WDR47: variants seen among roughly 807,000 people sequenced by gnomAD.
The protein encoded by WDR47 is WD repeat domain 47, also known as WD repeat-containing protein 47.
A neutral mutation model predicts 97.2 loss-of-function variants in WDR47; 32 were observed. The observed-to-expected ratio is 0.33, with a 90% CI of 0.25 to 0.44. The LOEUF is 0.44. Among genes scored for constraint, WDR47 ranks in the 20% least tolerant of loss-of-function variants. WDR47 has a pLI of 1.00. For missense variants in WDR47, 782 were observed against 1,102.3 expected, an observed-to-expected ratio of 0.71 and a Z score of 4.11; for synonymous variants, 375 against 373.5, an observed-to-expected ratio of 1.00 and a Z score of -0.05.
chr1:108,984,522 A>G (rs1168989931), intron 10 of WDR47, among the ~76,000 whole-genome samples: 1 of 152,202 alleles, frequency 6.6e-6, no homozygotes, highest in African/African-American at 2.4e-5. Context: ...AAATGTTCAT[A>G]ATTAAGAAAT....
intron 5 of WDR47, among the ~76,000 whole-genome samples, chr1:109,008,110 GA>G (rs66883954): frequency 0.13 from 18,260 of 143,534 alleles, 1,221 homozygotes; most frequent in Middle Eastern, 0.16. Flanking sequence ...TCAAAAAAAA[GA>G]AAAAAAAAAA....
intron 8 of WDR47, chr1:108,992,387 A>G (rs1160161645): frequency 4.5e-6 from 7 of 1,561,300 alleles, no homozygotes; most frequent in African/African-American, 1.4e-5. Flanking sequence ...TGCTCAGGCC[A>G]TCAAGGGTAT....
chr1:109,037,358 A>T (rs1259522659), intron 1 of WDR47, among the ~76,000 whole-genome samples: 1 of 129,830 alleles, frequency 7.7e-6, no homozygotes, highest in Non-Finnish European at 1.6e-5. Context: ...ACAAAACAAG[A>T]CTGGGCGTGG....
chr1:108,991,117 A>T, intron 9 of WDR47, 137 bp downstream of exon 9: 1 of 657,568 alleles, frequency 1.5e-6, no homozygotes, highest in Non-Finnish European at 2.5e-6. Context: ...GGCTCAAGAC[A>T]TTCTTCTGCC....
At chr1:108,986,137 A>ATACG (rs1398616140) in intron 10 of WDR47, among the ~76,000 whole-genome samples, 1 of 152,148 alleles carries the variant, frequency 6.6e-6, no homozygotes, top group Non-Finnish European at 1.5e-5. Context: ...AAAACACAGT[A>ATACG]TACGTAGGGT....
intron 13 of WDR47, among the ~76,000 whole-genome samples, chr1:108,979,975 C>A (rs749088990): frequency 8.5e-5 from 13 of 152,146 alleles, no homozygotes; most frequent in African/African-American, 1.2e-4. Context: ...CGCCTCCTGT[C>A]AGATCAGTGG....
intron 1 of WDR47, among the ~76,000 whole-genome samples, chr1:109,034,938 A>G (rs1238071393): frequency 1.3e-5 from 2 of 152,160 alleles, no homozygotes; most frequent in African/African-American, 2.4e-5. Flanking sequence ...GAGAGGCATA[A>G]TATCTCTGTG....
intron 1 of WDR47, among the ~76,000 whole-genome samples, chr1:109,036,709 G>A (rs929089250): frequency 6.6e-6 from 1 of 151,592 alleles, no homozygotes; most frequent in Non-Finnish European, 1.5e-5. Flanking sequence ...GGTGGCAGGC[G>A]CCTGTAGTCC....
chr1:109,012,849 C>A (rs1661148230), intron 4 of WDR47, among the ~76,000 whole-genome samples: 1 of 152,142 alleles, frequency 6.6e-6, no homozygotes, highest in Non-Finnish European at 1.5e-5. Context: ...GGTCTCCTAA[C>A]TCATGTTCCA....
chr1:108,997,482 C>T (rs1388647980), intron 7 of WDR47, among the ~76,000 whole-genome samples: 1 of 150,714 alleles, frequency 6.6e-6, no homozygotes, highest in Non-Finnish European at 1.5e-5. Flanking sequence ...GAGGGCTGGG[C>T]GCGGTGGCTC....
chr1:108,971,398 C>G lies in WDR47; in HGVS notation c.*32G>C. 1 of 1,612,660 alleles carries G rather than the reference C, an allele frequency of 6.2e-7. No homozygotes were observed. Among genetic ancestry groups the G allele is most frequent in the South Asian group, 1.1e-5 (1 of 90,872 alleles). On this transcript the variant is annotated 3_prime_UTR_variant, in exon 15 of 15. Coordinates refer to ENST00000369962, the MANE Select transcript of WDR47 (RefSeq NM_001142551.2). ...AACTCAGTAGTCTTAAGTCTCTGTGCTTTTGCTGCATAGACTGACATGCGG... is the reference window on the plus strand; with the variant it reads ...AACTCAGTAGTCTTAAGTCTCTGTGGTTTTGCTGCATAGACTGACATGCGG...
chr1:108,986,862 C>G (rs886123888), intron 9 of WDR47, 182 bp from the exon 10 acceptor site: 12 of 514,170 alleles, frequency 2.3e-5, no homozygotes, highest in African/African-American at 2.1e-4. Flanking sequence ...TACTAATATC[C>G]TTTAAGAGGC....
chr1:109,012,997 C>T (rs1310756222), intron 4 of WDR47, among the ~76,000 whole-genome samples: 1 of 152,124 alleles, frequency 6.6e-6, no homozygotes, highest in African/African-American at 2.4e-5. Context: ...ATCCTAACCC[C>T]GCAAGGTAAT....
At chr1:108,995,888 C>A in intron 7 of WDR47, 51 bp from the exon 8 acceptor site, 1 of 1,554,592 alleles carries the variant, frequency 6.4e-7, no homozygotes, top group Non-Finnish European at 8.8e-7. Flanking sequence ...TAATTGCATT[C>A]CTAATATATA....
intron 6 of WDR47, among the ~76,000 whole-genome samples, chr1:109,003,095 T>C (rs1014362093): frequency 1.3e-5 from 2 of 152,186 alleles, no homozygotes; most frequent in African/African-American, 2.4e-5. Context: ...AAATGTTCCA[T>C]GTACACTTCA....
intron 6 of WDR47, among the ~76,000 whole-genome samples, chr1:109,004,136 G>A (rs1031026859): frequency 2.5e-4 from 38 of 152,030 alleles, no homozygotes; most frequent in Admixed American, 2.5e-3. Flanking sequence ...GTGGTGGCGG[G>A]CGCCTGTGGT....
rs555627088 is a variant in WDR47, at chr1:108,997,628, T to C, written c.1434-1791A>G. 1.0e-4 allele frequency among the ~76,000 whole-genome samples: 15 copies of C among 149,980 alleles called. No homozygotes were observed. The East Asian group carries it at 2.0e-3, about 20-fold the overall frequency. On this transcript the variant is annotated intron_variant, in intron 7 of 14. Transcript: ENST00000369962. ...AAAAAAAATTAGCCAGGCGTGGTGG[T>C]GGGCGCCTGTAGTCCCAGCTTCTCG...
chr1:109,021,394 G>A (rs1661826118), intron 2 of WDR47, among the ~76,000 whole-genome samples: 1 of 152,000 alleles, frequency 6.6e-6, no homozygotes, highest in Non-Finnish European at 1.5e-5. Flanking sequence ...CGGACGTGGT[G>A]GTGTGCACCT....
chr1:109,025,112 A>G (rs1032875369), intron 1 of WDR47: 2 of 152,168 alleles, frequency 1.3e-5, no homozygotes, highest in Non-Finnish European at 2.9e-5. Flanking sequence ...GCAGACTAGA[A>G]TGCTCTCATC....
Sources: gnomAD v4.1 joint callset for allele counts (sites outside exome capture counted in the v4.1 genomes callset) on GRCh38, gnomAD v4.1.1 for gene constraint, MANE v1.5 for transcripts, NCBI Gene and HGNC (gene_info 2026-07-23, HGNC 2026-07-21) for gene names.